MLLT3: variants seen among roughly 807,000 people sequenced by gnomAD.
The protein encoded by MLLT3 is protein AF-9.
Under a neutral mutation model 53.2 loss-of-function variants are expected in MLLT3, and 4 were observed. That is an observed-to-expected ratio of 0.08 (90% confidence interval 0.04 to 0.17). The LOEUF is 0.17. Among genes scored for constraint, MLLT3 ranks in the 10% least tolerant of loss-of-function variants. MLLT3 has a pLI of 1.00. For missense variants in MLLT3, 569 were observed against 684.0 expected (o/e 0.83, Z 1.87); for synonymous variants, 283 against 230.6 (o/e 1.23, Z -2.06).
At chr9:20,496,942 C>T (rs1825093069) in intron 2 of MLLT3, among the ~76,000 whole-genome samples, 1 of 152,232 alleles carries the variant, frequency 6.6e-6, no homozygotes, top group Non-Finnish European at 1.5e-5. Context: ...ACCACTGATC[C>T]TCCAACTTCC....
Position 20,448,074 on chromosome 9 carries a change from T to C in MLLT3, c.420+49A>G. The C allele has an allele frequency of 1.9e-6, 3 of 1,564,338 alleles. No individual in the cohort carries two copies. Among genetic ancestry groups the C allele is most frequent in the Middle Eastern group, 1.7e-4 (1 of 5,804 alleles). ...CTAGTTTGTTTGTTTTTTTTTTTGT[T>C]GTTGTTGTTTTTTAATAGGAATGCT... On this transcript the variant is annotated intron_variant, in intron 4 of 10. Transcript: ENST00000380338. This position sits in a 1 kb window ranked among gnomAD's most constrained non-coding sequence, Gnocchi z 4.0.
Position 20,527,680 on chromosome 9 carries a change from T to A in MLLT3, c.194-70894A>T, listed in dbSNP as rs183697820. ...TCCTGGGAACTGAAGACAAAAACAA[T>A]AACTAAACTGGAACATCAAAAGCTT... On this transcript the variant is annotated intron_variant, in intron 2 of 10. Coordinates refer to ENST00000380338, the MANE Select transcript of MLLT3 (RefSeq NM_004529.4). Among the ~76,000 whole-genome samples, 3 of 152,230 alleles carry A rather than the reference T, an allele frequency of 2.0e-5. No individual in the cohort carries two copies. In the East Asian group the frequency reaches 5.8e-4, roughly 29 times the overall value.
intron 5 of MLLT3, among the ~76,000 whole-genome samples, chr9:20,371,772 A>T (rs780967336): frequency 9.2e-5 from 14 of 152,234 alleles, no homozygotes; most frequent in Non-Finnish European, 1.6e-4. Flanking sequence ...ATGAATCAAG[A>T]AGTAGTTTTG....
chr9:20,344,320 C>G lies in MLLT3; in HGVS notation c.*2123G>C. ...TATATACGTTTCTAGTTAAACTACA[C>G]AGATATATTAAATCACATAAACTTC... On this transcript the variant is annotated 3_prime_UTR_variant, in exon 11 of 11. Coordinates refer to ENST00000380338, the MANE Select transcript of MLLT3 (RefSeq NM_004529.4). 1 of 200,630 alleles carries G rather than the reference C, an allele frequency of 5.0e-6. No homozygotes were observed. The highest frequency in any genetic ancestry group is 6.0e-5 in the Admixed American group (1 of 16,656). The allele number at this position is 200,630 out of a possible 1,614,324, so 12.4% of individuals were successfully genotyped here.
intron 2 of MLLT3, among the ~76,000 whole-genome samples, chr9:20,531,138 CTTT>C (rs34485185): frequency 8.4e-6 from 1 of 118,510 alleles, no homozygotes. Flanking sequence ...TATTCAGTTG[CTTT>C]TTTTTTTTTT....
chr9:20,375,271 C>T (rs1038508440), intron 5 of MLLT3, among the ~76,000 whole-genome samples: 2 of 152,144 alleles, frequency 1.3e-5, no homozygotes, highest in African/African-American at 4.8e-5. Context: ...GAATTAGAAC[C>T]GGATTTTCTG....
chr9:20,479,943 T>C (rs1241745975), intron 2 of MLLT3, among the ~76,000 whole-genome samples: 2 of 152,204 alleles, frequency 1.3e-5, no homozygotes, highest in African/African-American at 4.8e-5. Context: ...AATTACCTAA[T>C]GTCCATGCTC....
chr9:20,478,631 T>C (rs900877383), intron 2 of MLLT3, among the ~76,000 whole-genome samples: 2 of 152,156 alleles, frequency 1.3e-5, no homozygotes, highest in East Asian at 3.8e-4. Flanking sequence ...ATGGAAGATA[T>C]AGCTATGGCA....
intron 5 of MLLT3, among the ~76,000 whole-genome samples, chr9:20,367,732 G>A (rs1402121979): frequency 6.6e-6 from 1 of 152,252 alleles, no homozygotes; most frequent in Non-Finnish European, 1.5e-5. Flanking sequence ...GGTTTCCTGT[G>A]TATAGAACAA....
intron 10 of MLLT3, 118 bp downstream of exon 10, chr9:20,353,407 C>T: frequency 1.2e-6 from 1 of 820,830 alleles, no homozygotes; most frequent in Non-Finnish European, 2.1e-6. Context: ...CTACAGGTGG[C>T]ATTCGCCAGG....
chr9:20,514,929 T>G (rs557624419), intron 2 of MLLT3, among the ~76,000 whole-genome samples: 1 of 150,048 alleles, frequency 6.7e-6, no homozygotes, highest in African/African-American at 2.5e-5. Context: ...TTTCTTACCT[T>G]GAAGGAACAA....
intron 5 of MLLT3, among the ~76,000 whole-genome samples, chr9:20,384,426 A>G (rs950970811): frequency 8.6e-5 from 13 of 152,044 alleles, no homozygotes; most frequent in African/African-American, 3.1e-4. Context: ...CTACATATAC[A>G]CAGTTCCTGC....
rs969790335 is a variant in MLLT3 at position 20,342,833 on chromosome 9, T to C, written c.*3610A>G. 3.4e-4 allele frequency: 52 copies of C among 152,676 alleles called. No individual in the cohort carries two copies. The highest frequency in any genetic ancestry group is 5.8e-4 in the Non-Finnish European group (48 of 83,006). The allele number at this position is 152,676 out of a possible 1,614,324, so 9.5% of individuals were successfully genotyped here. A position where few individuals can be genotyped will look rare whatever the true frequency, so the allele number is the denominator to read the frequency against. On this transcript the variant is annotated 3_prime_UTR_variant, in exon 11 of 11. Coordinates refer to ENST00000380338, the MANE Select transcript of MLLT3 (RefSeq NM_004529.4). ...CAAGATTACTCTGATAATATATATGTGTATATATATATATATATGTATATA... is the reference window on the plus strand; with the variant it reads ...CAAGATTACTCTGATAATATATATGCGTATATATATATATATATGTATATA...
chr9:20,533,843 G>T (rs977657465), intron 2 of MLLT3, among the ~76,000 whole-genome samples: 1 of 152,280 alleles, frequency 6.6e-6, no homozygotes, highest in South Asian at 2.1e-4. Context: ...ACCTAAAAAC[G>T]CTGAAGTCAT....
intron 3 of MLLT3, among the ~76,000 whole-genome samples, chr9:20,452,378 T>A (rs1823861487): frequency 6.6e-6 from 1 of 152,054 alleles, no homozygotes; most frequent in Non-Finnish European, 1.5e-5. Context: ...CCTGCATTTT[T>A]CTCTCCTGCC....
At position 20,572,956 on chromosome 9, in the gene MLLT3, A is replaced by T. The variant is rs184587300; in HGVS notation, c.193+47698T>A. Among the ~76,000 whole-genome samples, 73 of 152,322 alleles carry T rather than the reference A, an allele frequency of 4.8e-4. 1 individual carries two copies. In the East Asian group the frequency reaches 0.012, roughly 25 times the overall value. On this transcript the variant is annotated intron_variant, in intron 2 of 10. Coordinates refer to ENST00000380338, the MANE Select transcript of MLLT3 (RefSeq NM_004529.4). ...AGATGTGTTTTCTCCATCCATAGAT[A>T]TAGTTTCTCCTTCAAAAAATTATAC...
Position 20,622,292 on chromosome 9 carries a change from G to C in MLLT3, c.-36C>G. On this transcript the variant is annotated 5_prime_UTR_variant, in exon 1 of 11. Coordinates refer to ENST00000380338, the MANE Select transcript of MLLT3 (RefSeq NM_004529.4). ...CCGGAGGTTTGCTGGGGTGTTGTGT[G>C]GTACCCCCCCCTCCTCCGCCCCCCC... 6.5e-7 allele frequency: 1 copy of C among 1,546,142 alleles called. No homozygotes were observed. Among genetic ancestry groups the C allele is most frequent in the South Asian group, 1.2e-5 (1 of 83,060 alleles).
intron 2 of MLLT3, among the ~76,000 whole-genome samples, chr9:20,517,935 A>G (rs1342489476): frequency 6.6e-6 from 1 of 152,228 alleles, no homozygotes; most frequent in Non-Finnish European, 1.5e-5. Context: ...ATAGAAGGCA[A>G]CTCACAAGAA....
At chr9:20,455,842 T>C (rs1823952064) in intron 3 of MLLT3, among the ~76,000 whole-genome samples, 1 of 151,124 alleles carries the variant, frequency 6.6e-6, no homozygotes, top group Admixed American at 6.6e-5. Flanking sequence ...ATTTCATAAA[T>C]AAGGAAAGTA....
Sources: gnomAD v4.1 joint callset for allele counts (sites outside exome capture counted in the v4.1 genomes callset) on GRCh38, gnomAD v4.1.1 for gene constraint, Gnocchi (gnomAD v3.1) non-coding constraint, MANE v1.5 for transcripts, NCBI Gene and HGNC (gene_info 2026-07-23, HGNC 2026-07-21) for gene names.